The following CACNA1D variants were observed in gnomAD, a reference collection of about 807,000 sequenced individuals.
CACNA1D encodes the protein calcium voltage-gated channel subunit alpha1 D.
CACNA1D carries 55 observed loss-of-function variants against 257.1 expected under a neutral mutation model. The observed-to-expected ratio is 0.21, with a 90% confidence interval of 0.17 to 0.27. The LOEUF (loss-of-function observed/expected upper bound fraction) is 0.27. Ranked by LOEUF, CACNA1D falls within the 10% of genes least tolerant of loss-of-function variation. The pLI, the probability that CACNA1D is intolerant of heterozygous loss-of-function variation, is 1.00. For missense variants in CACNA1D, 1,876 were observed against 2,784.0 expected (o/e 0.67, Z 7.34); for synonymous variants, 980 against 1,014.9 (o/e 0.97, Z 0.65).
At chr3:53,726,158 GC>G (rs895159747) in intron 14 of CACNA1D, among the ~76,000 whole-genome samples, 1 of 152,180 alleles carries the variant, frequency 6.6e-6, no homozygotes, top group African/African-American at 2.4e-5. Context: ...GAAAAAACAA[GC>G]CAGTTGCAGA....
At chr3:53,669,124 C>G (rs762041692) in intron 7 of CACNA1D, among the ~76,000 whole-genome samples, 6 of 152,254 alleles carry the variant, frequency 3.9e-5, no homozygotes, top group Admixed American at 1.3e-4. Context: ...TAAGATTTTA[C>G]TCTCTGAAAC....
Position 53,751,853 on chromosome 3 carries a change from C to T in CACNA1D, c.3621C>T (p.Phe1207=), listed in dbSNP as rs1424626352. 6 of 1,613,970 alleles carry T rather than the reference C, an allele frequency of 3.7e-6. No homozygotes were observed. In the African/African-American group the frequency reaches 4.0e-5, roughly 11 times the overall value. Residue 1207 remains phenylalanine, a synonymous_variant, in exon 28 of 48, where the codon TTC becomes TTT. Transcript: ENST00000350061. This position sits in a 1 kb window ranked among gnomAD's most constrained non-coding sequence, Gnocchi z 4.3. ...KFWYVVNSSP[F]EYMMFVLIML... is the part of the protein sequence containing the mutation. Reference sequence around the variant, plus strand: ...GGTACGTGGTGAACTCTTCGCCTTTCGAATACATGATGTTTGTCCTCATCA... The same window carrying T: ...GGTACGTGGTGAACTCTTCGCCTTTTGAATACATGATGTTTGTCCTCATCA...
At chr3:53,634,637 G>A (rs911475627) in intron 3 of CACNA1D, among the ~76,000 whole-genome samples, 3 of 152,174 alleles carry the variant, frequency 2.0e-5, no homozygotes, top group Non-Finnish European at 2.9e-5. Context: ...ACCCCTGTGC[G>A]AGAGCTCGTG....
At chr3:53,593,785 G>A (rs2093338070) in intron 3 of CACNA1D, among the ~76,000 whole-genome samples, 1 of 152,116 alleles carries the variant, frequency 6.6e-6, no homozygotes. Flanking sequence ...CTCCCAACTA[G>A]CACGTGGGCA....
chr3:53,562,417 T>C (rs1224258161), intron 3 of CACNA1D, among the ~76,000 whole-genome samples: 2 of 152,240 alleles, frequency 1.3e-5, no homozygotes, highest in Non-Finnish European at 2.9e-5. Flanking sequence ...TTCAGAAATC[T>C]CTAAAATTGA....
chr3:53,722,191 T>C, intron 11 of CACNA1D, 123 bp from the exon 12 acceptor site: 1 of 928,886 alleles, frequency 1.1e-6, no homozygotes, highest in South Asian at 1.4e-5. Context: ...TCATCTTTCT[T>C]TCCTGCACTC....
At chr3:53,739,851 C>T (rs2095098092) in intron 20 of CACNA1D, among the ~76,000 whole-genome samples, 1 of 152,226 alleles carries the variant, frequency 6.6e-6, no homozygotes, top group Admixed American at 6.5e-5. Flanking sequence ...TATGCTTCTC[C>T]ACCAATCTGA....
chr3:53,772,695 CCTCA>C, intron 32 of CACNA1D, 134 bp from the exon 33 acceptor site: 1 of 700,122 alleles, frequency 1.4e-6, no homozygotes. Context: ...AACGGTTCTT[CCTCA>C]CTGTCGATAT....
intron 3 of CACNA1D, among the ~76,000 whole-genome samples, chr3:53,634,762 A>G (rs1022791238): frequency 3.3e-5 from 5 of 152,164 alleles, no homozygotes; most frequent in African/African-American, 7.2e-5. Flanking sequence ...TCAATTCCAG[A>G]AAGTTGGTAC....
At chr3:53,576,972 C>T (rs964316636) in intron 3 of CACNA1D, among the ~76,000 whole-genome samples, 3 of 152,172 alleles carry the variant, frequency 2.0e-5, no homozygotes, top group Admixed American at 6.5e-5. Context: ...AGAAGTGCAG[C>T]TTCTTCATAT....
intron 2 of CACNA1D, among the ~76,000 whole-genome samples, 173 bp from the exon 3 acceptor site, chr3:53,501,442 C>T (rs1575682849): frequency 1.3e-5 from 2 of 152,128 alleles, no homozygotes; most frequent in Non-Finnish European, 2.9e-5. Flanking sequence ...TGTGAGATGA[C>T]CACCGATGAT....
intron 3 of CACNA1D, among the ~76,000 whole-genome samples, chr3:53,560,132 C>T (rs181197684): frequency 6.7e-6 from 1 of 148,548 alleles, no homozygotes; most frequent in Non-Finnish European, 1.5e-5. Flanking sequence ...TCTGTCCATA[C>T]CCAGCTAGCA....
intron 44 of CACNA1D, among the ~76,000 whole-genome samples, chr3:53,804,403 C>A (rs1393913478): frequency 6.6e-6 from 1 of 152,232 alleles, no homozygotes; most frequent in Non-Finnish European, 1.5e-5. Flanking sequence ...TGGATGCCCT[C>A]ACTCCGTCTG....
In CACNA1D at chr3:53,727,272, G is replaced by C. The variant is rs527985357; in HGVS notation, c.2221+273G>C. On this transcript the variant is annotated intron_variant, in intron 15 of 47. Transcript: ENST00000350061. ...AGACAGCACACATACTGGTCCCAGA[G>C]GTCACTCAGTTTGGCATCATGTCTC... 2.6e-5 allele frequency among the ~76,000 whole-genome samples: 4 copies of C among 152,314 alleles called. No individual in the cohort carries two copies. The South Asian group carries it at 8.3e-4, about 32-fold the overall frequency.
Position 53,774,685 on chromosome 3 carries a change from G to A in CACNA1D, c.4202+7G>A, listed in dbSNP as rs773661926. ...CGGTGCTGCTGCTCTTCAGGTGACT[G>A]CAACTGGCTTGGGCGGTGCTCCTGG... On this transcript the variant is annotated splice_region_variant and intron_variant, in intron 34 of 47. Coordinates refer to ENST00000350061, the MANE Select transcript of CACNA1D (RefSeq NM_001128840.3). This position sits in a 1 kb window ranked among gnomAD's most constrained non-coding sequence, Gnocchi z 4.3. 4 of 1,585,986 alleles carry A rather than the reference G, an allele frequency of 2.5e-6. No homozygotes were observed. In the East Asian group the frequency reaches 8.9e-5, roughly 35 times the overall value.
intron 9 of CACNA1D, among the ~76,000 whole-genome samples, chr3:53,712,820 G>GA (rs1358787284): frequency 6.6e-6 from 1 of 152,194 alleles, no homozygotes; most frequent in Admixed American, 6.5e-5. Flanking sequence ...GGAGAACAGA[G>GA]GAGTGAGGCT....
In CACNA1D at chr3:53,775,940, G is replaced by A; in HGVS notation, c.4257G>A (p.Lys1419=). The part of the protein sequence containing the change: ...QEIMLACLPG[K]LCDPESDYNP... ...TCATGCTGGCCTGTCTCCCAGGGAA[G>A]CTCTGTGACCCTGAGTCAGATTACA... is the stretch of plus-strand genomic sequence containing the variant. The change falls in exon 35 of 48, where the codon AAG becomes AAA. Residue 1419 remains lysine (K), a synonymous_variant. Coordinates refer to ENST00000350061, the MANE Select transcript of CACNA1D (RefSeq NM_001128840.3). The A allele has an allele frequency of 6.2e-7, 1 of 1,614,090 alleles. No individual in the cohort carries two copies. The highest frequency in any genetic ancestry group is 8.5e-7 in the Non-Finnish European group (1 of 1,179,924).
chr3:53,711,597 C>T (rs1377761733), intron 9 of CACNA1D, among the ~76,000 whole-genome samples: 3 of 152,220 alleles, frequency 2.0e-5, no homozygotes, highest in Non-Finnish European at 1.5e-5. Flanking sequence ...GAGATTCAGA[C>T]AGCAGGGACG....
intron 43 of CACNA1D, among the ~76,000 whole-genome samples, chr3:53,802,503 G>A (rs983114434): frequency 2.0e-5 from 3 of 152,228 alleles, no homozygotes; most frequent in Admixed American, 6.5e-5. Context: ...TGGCAGCTCC[G>A]GCTGCTCTCT....
Sources: gnomAD v4.1 joint callset for allele counts (sites outside exome capture counted in the v4.1 genomes callset) on GRCh38, gnomAD v4.1.1 for gene constraint, Gnocchi (gnomAD v3.1) non-coding constraint, MANE v1.5 for transcripts, NCBI Gene and HGNC (gene_info 2026-07-23, HGNC 2026-07-21) for gene names.